The following GRM8 variants were observed in gnomAD, a reference collection of about 807,000 sequenced individuals.
The protein encoded by GRM8 is metabotropic glutamate receptor 8.
Under a neutral mutation model 87.2 loss-of-function variants are expected in GRM8, and 47 were observed. The observed-to-expected ratio is 0.54, with a 90% CI of 0.43 to 0.69. GRM8 has a LOEUF of 0.69. Ranked by LOEUF, GRM8 falls within the 30% of genes least tolerant of loss-of-function variation. The pLI is 0.00. For synonymous variants in GRM8, 396 were observed against 404.5 expected, an observed-to-expected ratio of 0.98 and a Z score of 0.25; for missense variants, 1,019 against 1,139.2, an observed-to-expected ratio of 0.89 and a Z score of 1.52.
At chr7:126,988,335 G>C (rs1483850615) in intron 3 of GRM8, among the ~76,000 whole-genome samples, 2 of 152,198 alleles carry the variant, frequency 1.3e-5, no homozygotes, top group Non-Finnish European at 2.9e-5. Flanking sequence ...CAGCAAAATT[G>C]CTATAGAAGC....
intron 2 of GRM8, among the ~76,000 whole-genome samples, chr7:127,145,304 T>C (rs1828496084): frequency 6.6e-6 from 1 of 152,146 alleles, no homozygotes; most frequent in South Asian, 2.1e-4. Context: ...CAAATAAGTT[T>C]TTCAAGTTCC....
chr7:126,884,502 T>A (rs1296227869), intron 6 of GRM8, among the ~76,000 whole-genome samples: 2 of 152,192 alleles, frequency 1.3e-5, no homozygotes, highest in Non-Finnish European at 2.9e-5. Flanking sequence ...TGGAACACAG[T>A]ATTTGTTGAA....
chr7:126,518,032 A>G (rs1812427392), intron 9 of GRM8, among the ~76,000 whole-genome samples: 1 of 152,080 alleles, frequency 6.6e-6, no homozygotes, highest in African/African-American at 2.4e-5. Context: ...AGGGAACTTA[A>G]CTGGTTCTTG....
rs554898068 is a variant in GRM8 at position 126,504,532 on chromosome 7, A to C, written c.2430+28420T>G. On this transcript the variant is annotated intron_variant, in intron 9 of 10. Transcript: ENST00000339582. ...ATAGACATATAAAATGAGAACTTAA[A>C]ACCTATCTACTGGGTACTATGCCTA... Among the ~76,000 whole-genome samples, 8 of 152,098 alleles carry C rather than the reference A, an allele frequency of 5.3e-5. No individual in the cohort carries two copies. The East Asian group carries it at 1.6e-3, about 30-fold the overall frequency.
intron 3 of GRM8, among the ~76,000 whole-genome samples, chr7:126,971,644 G>T (rs1180384010): frequency 6.6e-6 from 1 of 152,088 alleles, no homozygotes; most frequent in Non-Finnish European, 1.5e-5. Flanking sequence ...TTCTAGGAGG[G>T]CTATGAGTCC....
chr7:126,710,956 T>C (rs1811036860), intron 7 of GRM8, among the ~76,000 whole-genome samples: 1 of 152,190 alleles, frequency 6.6e-6, no homozygotes, highest in Non-Finnish European at 1.5e-5. Context: ...GTGGATCACT[T>C]GAGGCCAGGA....
chr7:126,522,962 G>T (rs1214441112), intron 9 of GRM8, among the ~76,000 whole-genome samples: 5 of 152,136 alleles, frequency 3.3e-5, no homozygotes, highest in Non-Finnish European at 7.4e-5. Context: ...AAAGGTTTTT[G>T]CATAAAGCAA....
intron 3 of GRM8, among the ~76,000 whole-genome samples, chr7:127,055,120 T>C (rs1400710621): frequency 6.6e-6 from 1 of 152,162 alleles, no homozygotes; most frequent in Non-Finnish European, 1.5e-5. Context: ...CTTAATTCCA[T>C]GCTGCAGATG....
intron 2 of GRM8, among the ~76,000 whole-genome samples, chr7:127,234,738 T>A (rs1797887867): frequency 6.6e-6 from 1 of 152,156 alleles, no homozygotes; most frequent in Admixed American, 6.5e-5. Context: ...GGAACGCGTG[T>A]TTCAACAAGC....
chr7:126,585,359 G>A (rs918632888), intron 8 of GRM8, among the ~76,000 whole-genome samples: 13 of 152,008 alleles, frequency 8.6e-5, no homozygotes, highest in Non-Finnish European at 5.9e-5. Flanking sequence ...TATGCTTTTC[G>A]TATCATCACA....
intron 7 of GRM8, among the ~76,000 whole-genome samples, chr7:126,622,239 T>G (rs1047274705): frequency 6.6e-6 from 1 of 152,142 alleles, no homozygotes; most frequent in Non-Finnish European, 1.5e-5. Flanking sequence ...TTCCTTTACC[T>G]TGTCCCTGCT....
At chr7:127,190,872 G>A (rs1794992992) in intron 2 of GRM8, among the ~76,000 whole-genome samples, 1 of 152,060 alleles carries the variant, frequency 6.6e-6, no homozygotes, top group African/African-American at 2.4e-5. Context: ...ATCATGCTGT[G>A]AATGAATTGA....
chr7:126,612,041 T>C (rs1265667032), intron 7 of GRM8, among the ~76,000 whole-genome samples: 3 of 152,202 alleles, frequency 2.0e-5, no homozygotes, highest in Non-Finnish European at 4.4e-5. Context: ...ATGTGGTGTC[T>C]TGAATGCATT....
In GRM8 at chr7:126,709,626, A is replaced by C. The variant is rs568256558; in HGVS notation, c.1357+60239T>G. ...AAAACAGTACAGAGGTTCCTTTAAA[A>C]ATTTAAAACAGAGCTACCATATGAA... On this transcript the variant is annotated intron_variant, in intron 7 of 10. Coordinates refer to ENST00000339582, the MANE Select transcript of GRM8 (RefSeq NM_000845.3). 2.6e-5 allele frequency among the ~76,000 whole-genome samples: 4 copies of C among 152,310 alleles called. No individual in the cohort carries two copies. In the East Asian group the frequency reaches 7.7e-4, roughly 29 times the overall value.
At chr7:126,992,831 G>GTA (rs1406764216) in intron 3 of GRM8, among the ~76,000 whole-genome samples, 1,619 of 141,044 alleles carry the variant, frequency 0.011, 27 homozygotes, top group African/African-American at 0.04. Context: ...GTGTGTGTAT[G>GTA]TGTGTGTGTG....
intron 2 of GRM8, among the ~76,000 whole-genome samples, chr7:127,162,865 A>G (rs1467847601): frequency 6.6e-6 from 1 of 152,196 alleles, no homozygotes; most frequent in East Asian, 1.9e-4. Flanking sequence ...TGTACCATCA[A>G]GATTGGATGA....
At chr7:126,573,530 G>A (rs1293801013) in intron 8 of GRM8, among the ~76,000 whole-genome samples, 1 of 151,924 alleles carries the variant, frequency 6.6e-6, no homozygotes, top group East Asian at 1.9e-4. Context: ...AGGGAAGAGG[G>A]TATAAAAGAC....
At chr7:127,072,523 T>C (rs1181458369) in intron 3 of GRM8, among the ~76,000 whole-genome samples, 2 of 152,222 alleles carry the variant, frequency 1.3e-5, no homozygotes, top group African/African-American at 4.8e-5. Flanking sequence ...TTAGCATTTA[T>C]ATCTGCATCA....
intron 8 of GRM8, among the ~76,000 whole-genome samples, chr7:126,541,628 G>A (rs1035629583): frequency 4.6e-5 from 7 of 152,320 alleles, no homozygotes; most frequent in Admixed American, 6.5e-5. Context: ...AGGCTGTTGC[G>A]GAATTCCAGA....
Sources: allele counts gnomAD v4.1 joint callset (sites outside exome capture counted in the v4.1 genomes callset), GRCh38; gene constraint gnomAD v4.1.1; transcripts MANE v1.5; gene names NCBI Gene and HGNC (gene_info 2026-07-23, HGNC 2026-07-21).